The following MGST2 variants were observed in gnomAD, a reference collection of about 807,000 sequenced individuals.
MGST2 encodes the protein glutathione peroxidase MGST2.
A neutral mutation model predicts 16.6 loss-of-function variants in MGST2; 9 were observed. The observed-to-expected ratio is 0.54, with a 90% CI of 0.33 to 0.95. The LOEUF (loss-of-function observed/expected upper bound fraction) is 0.95, where lower values mean the gene tolerates loss of function less well. Among genes scored for constraint, MGST2 ranks in the 40% least tolerant of loss-of-function variants. The pLI is 0.03. For missense variants in MGST2, 159 were observed against 175.1 expected, an observed-to-expected ratio of 0.91 and a Z score of 0.52; for synonymous variants, 79 against 68.0, an observed-to-expected ratio of 1.16 and a Z score of -0.79.
At chr4:139,750,086 C>T in the MGST2 span, among the ~76,000 whole-genome samples, 3 of 151,896 alleles carry the variant, frequency 2.0e-5, no homozygotes, top group African/African-American at 4.9e-5. Context: ...ACAAGAAACT[C>T]TGAATGGCAG....
At chr4:139,710,662 A>G (rs891463070) in intron 5 of MGST2, among the ~76,000 whole-genome samples, 1 of 152,114 alleles carries the variant, frequency 6.6e-6, no homozygotes, top group Admixed American at 6.6e-5. Context: ...TTATTTGCCA[A>G]CCTGTCTGGA....
In MGST2 at chr4:139,698,066, G is replaced by A. The variant is rs1287238582; in HGVS notation, c.229+2799G>A. The A allele has an allele frequency of 9.2e-6, 8 of 865,236 alleles. No homozygotes were observed. The East Asian group carries it at 1.1e-4, about 11-fold the overall frequency. 53.6% of individuals were successfully genotyped at this position (865,236 alleles called of 1,614,324 possible). A position where few individuals can be genotyped will look rare whatever the true frequency, so the allele number is the denominator to read the frequency against. ...ACCCCATGGAAAAAAATTATCTAAC[G>A]TTCAGAACTACCAATAACAGGAAGA... On this transcript the variant is annotated intron_variant, in intron 3 of 4. Transcript: ENST00000265498.
At chr4:139,678,394 CCTGT>C (rs1054393051) in intron 1 of MGST2, 145 bp from the exon 2 acceptor site, 17 of 710,526 alleles carry the variant, frequency 2.4e-5, no homozygotes, top group Admixed American at 4.1e-5. Flanking sequence ...CATATCCTCT[CCTGT>C]CTTTTTTAAT....
chr4:139,704,424 G>C (rs185118778), downstream of MGST2, among the ~76,000 whole-genome samples: 3 of 152,178 alleles, frequency 2.0e-5, no homozygotes, highest in Admixed American at 2.0e-4. Flanking sequence ...TGACCCGTGT[G>C]CTGGCCGTTC....
chr4:139,696,736 G>C (rs950741010), intron 3 of MGST2, among the ~76,000 whole-genome samples: 2 of 152,146 alleles, frequency 1.3e-5, no homozygotes, highest in African/African-American at 4.8e-5. Flanking sequence ...TATTGTTTCA[G>C]GTTTGACGGC....
rs776209490 is a variant in MGST2, at chr4:139,704,022, C to T, written c.318C>T (p.Thr106=). 30 of 1,614,100 alleles carry T rather than the reference C, an allele frequency of 1.9e-5. No homozygotes were observed. Among genetic ancestry groups the T allele is most frequent in the South Asian group, 2.2e-5 (2 of 91,068 alleles). ...CCTCATGTCCACTCTGCAGGATCAC[C>T]GGTTTCCGACTGAGTCTGGGGATTT... is the stretch of plus-strand genomic sequence containing the variant. ...GYSEAAKKRI[T]GFRLSLGILA... The change falls in exon 5 of 5, where the codon ACC becomes ACT. Residue 106 remains threonine (T), a synonymous_variant. Transcript: ENST00000265498.
At chr4:139,688,229 C>T (rs924464649) in intron 2 of MGST2, among the ~76,000 whole-genome samples, 4 of 152,030 alleles carry the variant, frequency 2.6e-5, no homozygotes, top group Non-Finnish European at 4.4e-5. Flanking sequence ...TTTTTTTCTC[C>T]AACCATTTAG....
rs111278130 is a variant in MGST2 at position 139,690,281 on chromosome 4, C to T, written c.159-4916C>T. ...TGCTAGGATTACAGGTGTGAGCCACCGCTCCTGGCCTTAAATTTTTTTAAA... is the reference window on the plus strand; with the variant it reads ...TGCTAGGATTACAGGTGTGAGCCACTGCTCCTGGCCTTAAATTTTTTTAAA... On this transcript the variant is annotated intron_variant, in intron 2 of 4. Coordinates refer to ENST00000265498, the MANE Select transcript of MGST2 (RefSeq NM_002413.5). 3.3e-4 allele frequency among the ~76,000 whole-genome samples: 50 copies of T among 151,840 alleles called. 1 individual carries two copies. Among genetic ancestry groups the T allele is most frequent in the African/African-American group, 1.0e-3 (43 of 41,436 alleles).
chr4:139,681,996 G>A (rs965729384), intron 2 of MGST2, among the ~76,000 whole-genome samples: 1 of 152,136 alleles, frequency 6.6e-6, no homozygotes, highest in African/African-American at 2.4e-5. Flanking sequence ...TTCAAGAGCA[G>A]CCTGGGCAAC....
At chr4:139,726,979 TATTC>T (rs1280357698) in intron 5 of MGST2, among the ~76,000 whole-genome samples, 1 of 152,240 alleles carries the variant, frequency 6.6e-6, no homozygotes, top group African/African-American at 2.4e-5. Context: ...AGCTGCTGAA[TATTC>T]ATTAAGCACC....
intron 3 of MGST2, chr4:139,698,523 G>A (rs1727060372): frequency 3.6e-6 from 4 of 1,120,466 alleles, no homozygotes; most frequent in Admixed American, 1.8e-5. Context: ...ACCACCGGTC[G>A]ATTTGCGGGC....
chr4:139,689,498 G>A (rs1726446378), intron 2 of MGST2, among the ~76,000 whole-genome samples: 1 of 152,156 alleles, frequency 6.6e-6, no homozygotes, highest in South Asian at 2.1e-4. Context: ...TTAACCTGTT[G>A]CTCTGATCCC....
chr4:139,747,208 C>A, the MGST2 span, among the ~76,000 whole-genome samples: 3 of 152,110 alleles, frequency 2.0e-5, no homozygotes, highest in Non-Finnish European at 4.4e-5. Flanking sequence ...AAAGCTTATA[C>A]CAAATCCACA....
At chr4:139,753,388 T>G in the MGST2 span, among the ~76,000 whole-genome samples, 2 of 113,224 alleles carry the variant, frequency 1.8e-5, no homozygotes, top group African/African-American at 6.6e-5. Flanking sequence ...ATCTATCTAT[T>G]TTTTGTTAGG....
chr4:139,695,020 G>A (rs1024473734), intron 2 of MGST2, among the ~76,000 whole-genome samples, 177 bp from the exon 3 acceptor site: 6 of 152,044 alleles, frequency 3.9e-5, no homozygotes, highest in African/African-American at 1.4e-4. Flanking sequence ...CCTGCTCTGA[G>A]GTTTAAACAA....
In MGST2 at chr4:139,726,915, C is replaced by G. The variant is rs959156736; in HGVS notation, c.*49-13297C>G. On this transcript the variant is annotated intron_variant, in intron 5 of 5. Coordinates refer to the MGST2 transcript ENST00000616265. ...AGAGAAAGAGGTTTCAGTTCTAGGTCTGCCGTCAAGTAGCTTGCGTGACCT... is the reference window on the plus strand; with the variant it reads ...AGAGAAAGAGGTTTCAGTTCTAGGTGTGCCGTCAAGTAGCTTGCGTGACCT... 2.0e-5 allele frequency among the ~76,000 whole-genome samples: 3 copies of G among 152,186 alleles called. No individual in the cohort carries two copies. The South Asian group carries it at 6.2e-4, about 31-fold the overall frequency.
At position 139,700,735 on chromosome 4, in the gene MGST2, A is replaced by G. The variant is rs140018983; in HGVS notation, c.230-2720A>G. Reference sequence around the variant, plus strand: ...GCGACTCTACAAACATCCACTTTCTATTTGACTGGGGTATCCTTGGTGAGC... The same window carrying G: ...GCGACTCTACAAACATCCACTTTCTGTTTGACTGGGGTATCCTTGGTGAGC... On this transcript the variant is annotated intron_variant, in intron 3 of 4. Transcript: ENST00000265498. 1.7e-3 allele frequency among the ~76,000 whole-genome samples: 258 copies of G among 152,286 alleles called. 3 individuals carry two copies. Among genetic ancestry groups the G allele is most frequent in the African/African-American group, 5.8e-3 (241 of 41,564 alleles).
chr4:139,698,353 A>C (rs890431323), intron 3 of MGST2: 128 of 1,601,822 alleles, frequency 8.0e-5, no homozygotes, highest in Non-Finnish European at 1.0e-4. Flanking sequence ...AGACGCTGGA[A>C]GGGAAGTTTG....
At chr4:139,689,215 A>G (rs1376601187) in intron 2 of MGST2, among the ~76,000 whole-genome samples, 1 of 152,006 alleles carries the variant, frequency 6.6e-6, no homozygotes, top group Non-Finnish European at 1.5e-5. Flanking sequence ...CATCTGTCAC[A>G]TAATCCGGGA....
Sources: allele counts gnomAD v4.1 joint callset (sites outside exome capture counted in the v4.1 genomes callset), GRCh38; gene constraint gnomAD v4.1.1; transcripts MANE v1.5; gene names NCBI Gene and HGNC (gene_info 2026-07-23, HGNC 2026-07-21).